TENM3: variants seen among roughly 807,000 people sequenced by gnomAD.
The protein encoded by TENM3 is teneurin-3.
In TENM3, 63 loss-of-function variants were observed where a neutral mutation model predicts 255.1. That is an observed-to-expected ratio of 0.25 (90% CI 0.20 to 0.30). TENM3 has a LOEUF of 0.30. Ranked by LOEUF, TENM3 falls within the 10% of genes least tolerant of loss-of-function variation. The pLI, the probability that TENM3 is intolerant of heterozygous loss-of-function variation, is 1.00. For missense variants in TENM3, 2,929 were observed against 3,461.1 expected (o/e 0.85, Z 3.86); for synonymous variants, 1,306 against 1,322.3 (o/e 0.99, Z 0.27).
chr4:182,114,750 G>A, the TENM3 span, among the ~76,000 whole-genome samples: 1 of 152,204 alleles, frequency 6.6e-6, no homozygotes, highest in South Asian at 2.1e-4. Context: ...GTGTTTAGTT[G>A]TTTATATGAA....
At chr4:182,141,002 C>T (rs908312900), upstream of TENM3, among the ~76,000 whole-genome samples, 6 of 151,126 alleles carry the variant, frequency 4.0e-5, no homozygotes, top group Non-Finnish European at 8.9e-5. Flanking sequence ...CCCCCCGCCC[C>T]CCAGCCCTTT....
the TENM3 span, among the ~76,000 whole-genome samples, chr4:181,619,757 G>A: frequency 4.6e-5 from 7 of 152,144 alleles, no homozygotes; most frequent in Non-Finnish European, 7.4e-5. Flanking sequence ...AAATCAATGC[G>A]CATGTCAACC....
the TENM3 span, among the ~76,000 whole-genome samples, chr4:181,849,959 A>T: frequency 2.1e-3 from 207 of 98,282 alleles, 4 homozygotes; most frequent in African/African-American, 6.6e-3. Flanking sequence ...TCACACACAC[A>T]CACACACACA....
At chr4:181,468,542 G>A in the TENM3 span, among the ~76,000 whole-genome samples, 60 of 152,308 alleles carry the variant, frequency 3.9e-4, no homozygotes, top group African/African-American at 1.3e-3. Flanking sequence ...ACCACCATCT[G>A]TATAGTGCGC....
chr4:182,496,816 G>A (rs1735813396), intron 3 of TENM3, among the ~76,000 whole-genome samples: 2 of 152,116 alleles, frequency 1.3e-5, no homozygotes, highest in Non-Finnish European at 1.5e-5. Flanking sequence ...CCGTCCCTGG[G>A]ATCACTAGAA....
chr4:182,035,581 T>C, the TENM3 span, among the ~76,000 whole-genome samples: 1 of 152,326 alleles, frequency 6.6e-6, no homozygotes, highest in African/African-American at 2.4e-5. Flanking sequence ...ATCTATTGGC[T>C]AGTGTCATTA....
intron 7 of TENM3, among the ~76,000 whole-genome samples, chr4:182,676,283 C>T (rs1755654330): frequency 6.6e-6 from 1 of 152,228 alleles, no homozygotes; most frequent in Non-Finnish European, 1.5e-5. Flanking sequence ...TTAGTGGCCT[C>T]AGGAGTCAAT....
In TENM3 at chr4:182,369,314, A is replaced by G. The variant is rs145781978; in HGVS notation, c.511+22385A>G. Among the ~76,000 whole-genome samples, 10 of 152,300 alleles carry G rather than the reference A, an allele frequency of 6.6e-5. No individual in the cohort carries two copies. The East Asian group carries it at 1.9e-3, about 29-fold the overall frequency. The stretch of plus-strand genomic sequence containing the variant: ...GGAAAGAAAACTAAGGCTTAGAAAG[A>G]ATCTAAATACCCTGCTAAGGTCACA... On this transcript the variant is annotated intron_variant, in intron 3 of 27. Coordinates refer to ENST00000511685, the MANE Select transcript of TENM3 (RefSeq NM_001080477.4).
intron 3 of TENM3, among the ~76,000 whole-genome samples, chr4:182,506,958 T>A (rs989778018): frequency 1.3e-5 from 2 of 152,202 alleles, no homozygotes; most frequent in African/African-American, 4.8e-5. Flanking sequence ...TTAATCTTCA[T>A]AGGCACATAC....
chr4:181,568,308 C>T, the TENM3 span, among the ~76,000 whole-genome samples: 2 of 151,848 alleles, frequency 1.3e-5, no homozygotes, highest in Non-Finnish European at 1.5e-5. Context: ...AGATTACAGG[C>T]GCCCGCCACC....
intron 1 of TENM3, among the ~76,000 whole-genome samples, chr4:182,229,280 A>AT (rs1283194390): frequency 6.6e-6 from 1 of 152,140 alleles, no homozygotes; most frequent in African/African-American, 2.4e-5. Context: ...CATTCTTCAC[A>AT]TTTTAGAGGT....
chr4:181,953,572 C>T, the TENM3 span, among the ~76,000 whole-genome samples: 8 of 151,996 alleles, frequency 5.3e-5, no homozygotes, highest in Admixed American at 5.2e-4. Flanking sequence ...ATCCCAGCTA[C>T]TCGGGAAGCT....
intron 17 of TENM3, among the ~76,000 whole-genome samples, chr4:182,737,431 A>G (rs1407300009): frequency 6.6e-6 from 1 of 150,984 alleles, no homozygotes; most frequent in African/African-American, 2.4e-5. Context: ...GGATTTCCTT[A>G]TTTGTTTTTG....
chr4:182,551,151 G>A (rs1298872161), intron 3 of TENM3, among the ~76,000 whole-genome samples: 1 of 151,276 alleles, frequency 6.6e-6, no homozygotes, highest in East Asian at 1.9e-4. Flanking sequence ...GAACCCGGGA[G>A]GTGGAGGTTG....
chr4:182,721,099 C>T (rs569756413), intron 13 of TENM3, among the ~76,000 whole-genome samples: 2 of 152,194 alleles, frequency 1.3e-5, no homozygotes, highest in African/African-American at 2.4e-5. Flanking sequence ...ACACCCGTGC[C>T]CAGCAGCTGC....
intron 4 of TENM3, among the ~76,000 whole-genome samples, chr4:182,612,113 C>CAA (rs565705985): frequency 6.7e-6 from 1 of 150,212 alleles, no homozygotes; most frequent in Non-Finnish European, 1.5e-5. Flanking sequence ...ACTAAAAATA[C>CAA]AAAAAAAAAT....
intron 1 of TENM3, among the ~76,000 whole-genome samples, chr4:182,267,234 A>G (rs1205026029): frequency 6.6e-6 from 1 of 152,178 alleles, no homozygotes; most frequent in Non-Finnish European, 1.5e-5. Context: ...GTGTATGCCT[A>G]TGAACAAAAT....
In TENM3 at chr4:182,768,164, T is replaced by C. The variant is rs957161898; in HGVS notation, c.4893-5308T>C. Among the ~76,000 whole-genome samples the C allele has an allele frequency of 2.0e-5, 3 of 152,310 alleles. No individual in the cohort carries two copies. The South Asian group carries it at 6.2e-4, about 32-fold the overall frequency. On this transcript the variant is annotated intron_variant, in intron 22 of 27. Transcript: ENST00000511685. The stretch of plus-strand genomic sequence containing the variant: ...AGTTAGAATGACTTCTCTGCCCTGG[T>C]GTATGCGCTTCTCTAAAGCTGTGCT...
the TENM3 span, among the ~76,000 whole-genome samples, chr4:182,041,428 A>G: frequency 1.4e-4 from 21 of 152,288 alleles, no homozygotes; most frequent in South Asian, 4.1e-3. Context: ...AAAAAAAGCA[A>G]AGACTCTATG....
Sources: gnomAD v4.1 joint callset for allele counts (sites outside exome capture counted in the v4.1 genomes callset) on GRCh38, gnomAD v4.1.1 for gene constraint, MANE v1.5 for transcripts, NCBI Gene and HGNC (gene_info 2026-07-23, HGNC 2026-07-21) for gene names.